The following PAK1 variants were observed in gnomAD, a reference collection of about 807,000 sequenced individuals.
PAK1 encodes the protein p21 (RAC1) activated kinase 1, also known as serine/threonine-protein kinase PAK 1.
In PAK1, 29 loss-of-function variants were observed where a neutral mutation model predicts 67.4. That is an observed-to-expected ratio of 0.43 (90% confidence interval 0.32 to 0.59). The LOEUF is 0.59. Ranked by LOEUF, PAK1 falls within the 20% of genes least tolerant of loss-of-function variation. The pLI, the probability that PAK1 is intolerant of heterozygous loss-of-function variation, is 0.07. For synonymous variants in PAK1, 223 were observed against 237.4 expected (o/e 0.94, Z 0.56); for missense variants, 337 against 670.7 (o/e 0.50, Z 5.50).
intron 1 of PAK1, among the ~76,000 whole-genome samples, chr11:77,406,090 C>T (rs1166180186): frequency 6.6e-6 from 1 of 152,190 alleles, no homozygotes; most frequent in East Asian, 1.9e-4. Context: ...CTATCATCCA[C>T]ACATCCAAGG....
At chr11:77,482,965 G>A in the PAK1 span, among the ~76,000 whole-genome samples, 4 of 152,098 alleles carry the variant, frequency 2.6e-5, no homozygotes, top group Non-Finnish European at 5.9e-5. Flanking sequence ...GGGAGGCCAA[G>A]GCAGGTGGAT....
intron 1 of PAK1, among the ~76,000 whole-genome samples, chr11:77,438,091 CT>C (rs1219444818): frequency 1.3e-5 from 2 of 152,092 alleles, no homozygotes; most frequent in African/African-American, 4.8e-5. Flanking sequence ...CAGCACTGGC[CT>C]CTGTCCCCAC....
At chr11:77,371,716 T>C (rs1028462674) in intron 5 of PAK1, among the ~76,000 whole-genome samples, 2 of 152,166 alleles carry the variant, frequency 1.3e-5, no homozygotes, top group Non-Finnish European at 2.9e-5. Context: ...AGTAAGGATA[T>C]ATAGAGCACT....
At chr11:77,460,839 G>GAT (rs1166081780) in intron 1 of PAK1, among the ~76,000 whole-genome samples, 1 of 152,120 alleles carries the variant, frequency 6.6e-6, no homozygotes, top group African/African-American at 2.4e-5. Flanking sequence ...TTTCATCTGT[G>GAT]ATATATGAGG....
At chr11:77,378,323 T>G (rs1284695579) in intron 4 of PAK1, among the ~76,000 whole-genome samples, 2 of 152,206 alleles carry the variant, frequency 1.3e-5, no homozygotes, top group Non-Finnish European at 2.9e-5. Flanking sequence ...TTAGGAGACC[T>G]GGGTTCTAAT....
the PAK1 span, among the ~76,000 whole-genome samples, chr11:77,481,993 G>C: frequency 4.6e-5 from 7 of 151,820 alleles, no homozygotes; most frequent in Non-Finnish European, 8.8e-5. Context: ...TTACCGTTTT[G>C]CTTCTTTTTT....
chr11:77,486,557 A>T, the PAK1 span, among the ~76,000 whole-genome samples: 1 of 152,328 alleles, frequency 6.6e-6, no homozygotes, highest in South Asian at 2.1e-4. Context: ...ACCATCTTGA[A>T]TTGCAGACAC....
intron 1 of PAK1, among the ~76,000 whole-genome samples, chr11:77,432,310 T>C (rs1017211346): frequency 6.6e-6 from 1 of 151,984 alleles, no homozygotes; most frequent in South Asian, 2.1e-4. Flanking sequence ...GATAAAGGCA[T>C]CTATGAAAAA....
chr11:77,465,119 C>T (rs1013918345), intron 1 of PAK1, among the ~76,000 whole-genome samples: 102 of 152,108 alleles, frequency 6.7e-4, no homozygotes, highest in African/African-American at 2.4e-3. Flanking sequence ...CGGCAAGTGG[C>T]AATGGATAGT....
chr11:77,517,889 C>T, the PAK1 span, among the ~76,000 whole-genome samples: 7 of 152,018 alleles, frequency 4.6e-5, no homozygotes, highest in East Asian at 1.9e-4. Flanking sequence ...ATAGGGTTCA[C>T]GCTCCTAAAA....
At chr11:77,349,211 G>A (rs1944887199) in intron 9 of PAK1, 28 bp downstream of exon 9, 17 of 1,536,744 alleles carry the variant, frequency 1.1e-5, no homozygotes, top group Non-Finnish European at 1.2e-5. Flanking sequence ...CAGAACTAAA[G>A]GAGCAACAGT....
At chr11:77,464,480 G>C (rs1957501675) in intron 1 of PAK1, among the ~76,000 whole-genome samples, 1 of 152,120 alleles carries the variant, frequency 6.6e-6, no homozygotes, top group South Asian at 2.1e-4. Context: ...GTAAGAGCAA[G>C]GACAAGGACC....
chr11:77,384,952 A>G (rs1394582111), intron 2 of PAK1, among the ~76,000 whole-genome samples: 13 of 152,226 alleles, frequency 8.5e-5, no homozygotes, highest in Non-Finnish European at 1.8e-4. Context: ...TAAGAAAATA[A>G]AGAAGAAAAT....
chr11:77,408,983 G>C (rs1278345036), intron 1 of PAK1, among the ~76,000 whole-genome samples: 1 of 152,154 alleles, frequency 6.6e-6, no homozygotes, highest in African/African-American at 2.4e-5. Context: ...GACAGGCAAA[G>C]GCTGGGCACG....
At chr11:77,349,106 CAG>C (rs1565600260) in intron 9 of PAK1, 131 bp downstream of exon 9, 1 of 620,428 alleles carries the variant, frequency 1.6e-6, no homozygotes, top group African/African-American at 2.0e-5. Context: ...GCCTGGATGA[CAG>C]AGTGAGACCC....
intron 1 of PAK1, among the ~76,000 whole-genome samples, chr11:77,416,720 A>G (rs924743983): frequency 7.2e-5 from 11 of 152,194 alleles, no homozygotes; most frequent in African/African-American, 2.2e-4. Flanking sequence ...TTGGGAGGCC[A>G]AGGTGGGCGG....
At chr11:77,515,422 T>C in the PAK1 span, among the ~76,000 whole-genome samples, 1 of 152,246 alleles carries the variant, frequency 6.6e-6, no homozygotes, top group Non-Finnish European at 1.5e-5. Flanking sequence ...TGAAGGAATG[T>C]GGAGCATCAG....
At chr11:77,500,191 G>A in the PAK1 span, among the ~76,000 whole-genome samples, 2 of 152,158 alleles carry the variant, frequency 1.3e-5, no homozygotes, top group African/African-American at 2.4e-5. Flanking sequence ...AATATAAACC[G>A]GGTGCGGTGG....
chr11:77,484,435 T>C, the PAK1 span, among the ~76,000 whole-genome samples: 5 of 152,198 alleles, frequency 3.3e-5, no homozygotes, highest in Admixed American at 3.3e-4. Context: ...CAACCTGTAT[T>C]CTAAGCTCGT....
Sources: allele counts gnomAD v4.1 joint callset (sites outside exome capture counted in the v4.1 genomes callset), GRCh38; gene constraint gnomAD v4.1.1; transcripts MANE v1.5; gene names NCBI Gene and HGNC (gene_info 2026-07-23, HGNC 2026-07-21).